NTNG1: variants seen among roughly 807,000 people sequenced by gnomAD.
The protein encoded by NTNG1 is netrin G1.
In NTNG1, 16 loss-of-function variants were observed where a neutral mutation model predicts 54.0. That is an observed-to-expected ratio of 0.30 (90% CI 0.20 to 0.45). NTNG1 has a LOEUF of 0.45. Ranked by LOEUF, NTNG1 falls within the 20% of genes least tolerant of loss-of-function variation. The probability of loss-of-function intolerance (pLI) is 1.00; values close to 1 mark genes in which losing one functional copy is unlikely to be tolerated. For missense variants in NTNG1, 530 were observed against 678.7 expected, an observed-to-expected ratio of 0.78 and a Z score of 2.43; for synonymous variants, 255 against 263.1, an observed-to-expected ratio of 0.97 and a Z score of 0.30.
chr1:107,308,055 C>T (rs1021244959), intron 2 of NTNG1, among the ~76,000 whole-genome samples: 7 of 151,720 alleles, frequency 4.6e-5, no homozygotes, highest in South Asian at 2.1e-4. Flanking sequence ...CTTATAGATG[C>T]TGTATTAACC....
chr1:107,391,995 G>A (rs115324553), intron 3 of NTNG1, among the ~76,000 whole-genome samples: 1,916 of 152,254 alleles, frequency 0.013, 26 homozygotes, highest in Admixed American at 0.037. Flanking sequence ...CATCATTCTT[G>A]CCTAACTGGG....
intron 2 of NTNG1, among the ~76,000 whole-genome samples, chr1:107,261,893 C>A (rs1396268769): frequency 6.6e-6 from 1 of 152,170 alleles, no homozygotes; most frequent in Non-Finnish European, 1.5e-5. Context: ...TATAAGACAT[C>A]ATTTGTGAAT....
intron 2 of NTNG1, among the ~76,000 whole-genome samples, chr1:107,287,473 T>G (rs746162815): frequency 6.6e-5 from 10 of 152,154 alleles, no homozygotes; most frequent in African/African-American, 9.7e-5. Flanking sequence ...TAAAGCATAG[T>G]GCAGTGGCAT....
chr1:107,322,568 G>A (rs577832883), intron 2 of NTNG1, among the ~76,000 whole-genome samples: 24 of 151,988 alleles, frequency 1.6e-4, no homozygotes, highest in Non-Finnish European at 3.1e-4. Flanking sequence ...CCAGTCTGTA[G>A]AGCTTTGCAT....
intron 2 of NTNG1, among the ~76,000 whole-genome samples, chr1:107,227,658 T>C (rs1413028362): frequency 7.1e-6 from 1 of 140,122 alleles, no homozygotes. Flanking sequence ...TCTCAATCTG[T>C]CTCTCTCGCT....
intron 2 of NTNG1, among the ~76,000 whole-genome samples, chr1:107,203,006 T>C (rs1334168107): frequency 2.0e-5 from 3 of 151,978 alleles, no homozygotes; most frequent in African/African-American, 7.2e-5. Flanking sequence ...AAATTTAAAA[T>C]TATTTAATAT....
At chr1:107,218,168 T>C (rs926511127) in intron 2 of NTNG1, among the ~76,000 whole-genome samples, 2 of 152,188 alleles carry the variant, frequency 1.3e-5, no homozygotes, top group Non-Finnish European at 2.9e-5. Flanking sequence ...ACTGTGATAT[T>C]TTCCTGTTGG....
chr1:107,408,541 A>G (rs975592865), intron 5 of NTNG1: 4 of 152,148 alleles, frequency 2.6e-5, no homozygotes, highest in Admixed American at 2.6e-4. Flanking sequence ...CTCCCGCTTC[A>G]TGTGTAAAAT....
At chr1:107,383,868 G>A (rs1387520408) in intron 3 of NTNG1, among the ~76,000 whole-genome samples, 2 of 152,208 alleles carry the variant, frequency 1.3e-5, no homozygotes, top group Admixed American at 1.3e-4. Flanking sequence ...GAATATAAAA[G>A]TTTGCCACAC....
chr1:107,173,233 TCAC>T (rs1185928714), intron 2 of NTNG1, among the ~76,000 whole-genome samples: 3 of 152,294 alleles, frequency 2.0e-5, no homozygotes, highest in African/African-American at 7.2e-5. Context: ...ACCTCACAAT[TCAC>T]TATTCTAGCA....
At chr1:107,245,015 A>G (rs1225602173) in intron 2 of NTNG1, among the ~76,000 whole-genome samples, 1 of 152,100 alleles carries the variant, frequency 6.6e-6, no homozygotes, top group Non-Finnish European at 1.5e-5. Flanking sequence ...AAGAAGATTT[A>G]TTGTGGGCTG....
At chr1:107,209,945 G>T (rs1659495266) in intron 2 of NTNG1, among the ~76,000 whole-genome samples, 1 of 151,668 alleles carries the variant, frequency 6.6e-6, no homozygotes, top group Non-Finnish European at 1.5e-5. Context: ...AAATTGGATG[G>T]TTCAGGATTT....
intron 3 of NTNG1, among the ~76,000 whole-genome samples, chr1:107,390,419 G>C (rs1297757451): frequency 6.6e-6 from 1 of 152,104 alleles, no homozygotes; most frequent in African/African-American, 2.4e-5. Flanking sequence ...CTTTTCCTAG[G>C]TCTTTCAAAC....
chr1:107,361,713 T>C (rs1670313877), intron 3 of NTNG1, among the ~76,000 whole-genome samples: 1 of 152,084 alleles, frequency 6.6e-6, no homozygotes, highest in African/African-American at 2.4e-5. Flanking sequence ...TTTTAATCAC[T>C]GCCAGTACCT....
At chr1:107,368,161 T>A (rs1489081885) in intron 3 of NTNG1, among the ~76,000 whole-genome samples, 2 of 152,122 alleles carry the variant, frequency 1.3e-5, no homozygotes, top group Non-Finnish European at 2.9e-5. Context: ...CTTAGAGGAT[T>A]TTCTTACATC....
chr1:107,422,770 C>A (rs1674654713), intron 5 of NTNG1, among the ~76,000 whole-genome samples: 1 of 152,016 alleles, frequency 6.6e-6, no homozygotes, highest in South Asian at 2.1e-4. Flanking sequence ...GAATTTTAAT[C>A]AGCTCTGGAT....
chr1:107,144,932 A>T (rs1191710562), intron 1 of NTNG1, among the ~76,000 whole-genome samples: 1 of 152,102 alleles, frequency 6.6e-6, no homozygotes, highest in East Asian at 1.9e-4. Context: ...GTGAAGAGGT[A>T]GAACTGGAGC....
chr1:107,361,443 G>A (rs1181837606), intron 3 of NTNG1, among the ~76,000 whole-genome samples: 1 of 140,912 alleles, frequency 7.1e-6, no homozygotes, highest in Non-Finnish European at 1.5e-5. Context: ...AGGCTGGAGT[G>A]CAATGGCGTG....
chr1:107,333,438 A>G (rs561127294), intron 3 of NTNG1, among the ~76,000 whole-genome samples: 3 of 152,166 alleles, frequency 2.0e-5, no homozygotes, highest in Non-Finnish European at 4.4e-5. Flanking sequence ...TGAGAATCAC[A>G]ATGTATATTC....
Sources: gnomAD v4.1 joint callset for allele counts (sites outside exome capture counted in the v4.1 genomes callset) on GRCh38, gnomAD v4.1.1 for gene constraint, MANE v1.5 for transcripts, NCBI Gene and HGNC (gene_info 2026-07-23, HGNC 2026-07-21) for gene names.